IL1RAPL2: variants seen among roughly 807,000 people sequenced by gnomAD.
IL1RAPL2 encodes X-linked interleukin-1 receptor accessory protein-like 2.
In IL1RAPL2, 3 loss-of-function variants were observed where a neutral mutation model predicts 44.1. That is an observed-to-expected ratio of 0.07 (90% CI 0.03 to 0.18). The LOEUF is 0.18. Among genes scored for constraint, IL1RAPL2 ranks in the 10% least tolerant of loss-of-function variants. The probability of loss-of-function intolerance (pLI) is 1.00; values close to 1 mark genes in which losing one functional copy is unlikely to be tolerated. For synonymous variants in IL1RAPL2, 181 were observed against 178.8 expected, an observed-to-expected ratio of 1.01 and a Z score of -0.10; for missense variants, 391 against 496.4, an observed-to-expected ratio of 0.79 and a Z score of 2.02.
intron 4 of IL1RAPL2, among the ~76,000 whole-genome samples, chrX:105,235,038 A>T (rs1556200109): frequency 9.1e-6 from 1 of 110,460 alleles, no homozygotes; most frequent in African/African-American, 3.3e-5. Flanking sequence ...GGGTAGGATA[A>T]ATACCCTAAC....
chrX:105,344,710 G>A (rs954056334), intron 5 of IL1RAPL2, among the ~76,000 whole-genome samples: 8 of 111,308 alleles, frequency 7.2e-5, no homozygotes, highest in African/African-American at 2.3e-4. Context: ...TCCTTCTGCC[G>A]TCTTATATGT....
chrX:104,821,324 C>T (rs185644196), intron 2 of IL1RAPL2, among the ~76,000 whole-genome samples: 28 of 110,505 alleles, frequency 2.5e-4, no homozygotes, highest in African/African-American at 7.6e-4. Flanking sequence ...TATACGTGTG[C>T]CATGGTGGTT....
intron 5 of IL1RAPL2, among the ~76,000 whole-genome samples, chrX:105,394,349 T>C (rs1480785708): frequency 9.8e-5 from 11 of 112,242 alleles, no homozygotes; most frequent in Admixed American, 3.8e-4. Flanking sequence ...GCATTTTGAA[T>C]GTTTGAGAAC....
chrX:104,967,947 C>T (rs1724172964), intron 2 of IL1RAPL2, among the ~76,000 whole-genome samples: 1 of 110,918 alleles, frequency 9.0e-6, no homozygotes, highest in South Asian at 3.7e-4. Context: ...AACACTGAAA[C>T]CACAGGAAAA....
intron 6 of IL1RAPL2, among the ~76,000 whole-genome samples, chrX:105,613,697 G>C (rs1444104508): frequency 8.9e-6 from 1 of 111,806 alleles, no homozygotes; most frequent in Admixed American, 9.5e-5. Context: ...CAGTAGCCTC[G>C]TAGTACTCTC....
intron 6 of IL1RAPL2, among the ~76,000 whole-genome samples, chrX:105,626,006 T>C (rs918990245): frequency 3.1e-4 from 35 of 111,750 alleles, no homozygotes; most frequent in Admixed American, 9.6e-5. Context: ...TAGGAGTGCC[T>C]TATTTAAATT....
At chrX:105,080,229 T>A (rs2032384361) in intron 2 of IL1RAPL2, among the ~76,000 whole-genome samples, 2 of 112,049 alleles carry the variant, frequency 1.8e-5, no homozygotes, top group South Asian at 7.5e-4. Context: ...TTTAAATATA[T>A]CCCATTTGTC....
intron 5 of IL1RAPL2, among the ~76,000 whole-genome samples, chrX:105,370,118 T>C (rs1489150660): frequency 8.9e-6 from 1 of 112,055 alleles, no homozygotes; most frequent in African/African-American, 3.2e-5. Context: ...TTCCCTATTT[T>C]CTTACACCTT....
At chrX:105,261,312 T>TGA (rs1256602993) in intron 4 of IL1RAPL2, among the ~76,000 whole-genome samples, 1 of 112,067 alleles carries the variant, frequency 8.9e-6, no homozygotes, top group Non-Finnish European at 1.9e-5. Flanking sequence ...GTTGTTTTCT[T>TGA]GATTAGTCCC....
At chrX:105,195,869 A>G in intron 3 of IL1RAPL2, 121 bp downstream of exon 3, 1 of 644,146 alleles carries the variant, frequency 1.6e-6, no homozygotes, top group Admixed American at 2.9e-5. Flanking sequence ...GTTGCAGTAC[A>G]TGTGGAGCTT....
chrX:104,674,198 C>A (rs1436767525), intron 2 of IL1RAPL2, among the ~76,000 whole-genome samples: 1 of 111,915 alleles, frequency 8.9e-6, no homozygotes, highest in Non-Finnish European at 1.9e-5. Flanking sequence ...GGAATGCTTC[C>A]AGTTTTTGCC....
chrX:105,208,706 C>G (rs2033784749), intron 3 of IL1RAPL2, among the ~76,000 whole-genome samples: 1 of 112,135 alleles, frequency 8.9e-6, no homozygotes, highest in African/African-American at 3.2e-5. Context: ...GCAATATACA[C>G]TTACCTGAGT....
At chrX:105,201,745 A>G (rs1556146699) in intron 3 of IL1RAPL2, among the ~76,000 whole-genome samples, 1 of 111,758 alleles carries the variant, frequency 8.9e-6, no homozygotes, top group East Asian at 2.8e-4. Context: ...TTCAATTCCA[A>G]CTTAACTATT....
In IL1RAPL2 at chrX:105,002,860, T is replaced by G. The variant is rs370401903; in HGVS notation, c.83-192615T>G. Among the ~76,000 whole-genome samples the G allele has an allele frequency of 6.3e-5, 7 of 111,477 alleles. 1 individual carries two copies. Among genetic ancestry groups the G allele is most frequent in the Non-Finnish European group, 1.1e-4 (6 of 52,893 alleles). The stretch of plus-strand genomic sequence containing the variant: ...AGATTCACAGTTTCAGTGATCTAAT[T>G]CTGTAAACACCATCATAATATTATG... On this transcript the variant is annotated intron_variant, in intron 2 of 10. Transcript: ENST00000372582.
At chrX:105,277,094 T>A (rs771343581) in intron 5 of IL1RAPL2, among the ~76,000 whole-genome samples, 2 of 112,067 alleles carry the variant, frequency 1.8e-5, no homozygotes, top group Non-Finnish European at 3.8e-5. Context: ...AGCACCCGCC[T>A]TAAAGCTGCC....
chrX:105,204,725 C>G (rs191485451), intron 3 of IL1RAPL2, among the ~76,000 whole-genome samples: 10 of 111,569 alleles, frequency 9.0e-5, no homozygotes, highest in Non-Finnish European at 1.9e-4. Context: ...TGCTTGGAGT[C>G]AAATCTCAGT....
chrX:105,466,190 C>T (rs1050239843), intron 5 of IL1RAPL2, among the ~76,000 whole-genome samples: 6 of 110,674 alleles, frequency 5.4e-5, no homozygotes, highest in African/African-American at 2.0e-4. Flanking sequence ...TGGAATTAGA[C>T]CCCTTGGTGA....
At chrX:104,635,286 CA>C (rs1261359095) in intron 1 of IL1RAPL2, among the ~76,000 whole-genome samples, 2 of 111,003 alleles carry the variant, frequency 1.8e-5, no homozygotes, top group Middle Eastern at 4.2e-3. Flanking sequence ...TTTTTTCCTT[CA>C]TTTCAACTTT....
intron 5 of IL1RAPL2, among the ~76,000 whole-genome samples, chrX:105,277,103 C>T (rs1392481991): frequency 3.6e-5 from 4 of 111,925 alleles, no homozygotes; most frequent in African/African-American, 1.3e-4. Context: ...CTTAAAGCTG[C>T]CCTGAAGCGG....
Sources: gnomAD v4.1 joint callset for allele counts (sites outside exome capture counted in the v4.1 genomes callset) on GRCh38, gnomAD v4.1.1 for gene constraint, MANE v1.5 for transcripts, NCBI Gene and HGNC (gene_info 2026-07-23, HGNC 2026-07-21) for gene names.